MRTFB: variants seen among roughly 807,000 people sequenced by gnomAD.
MRTFB encodes myocardin-related transcription factor B.
In MRTFB, 29 loss-of-function variants were observed where a neutral mutation model predicts 104.2. The observed-to-expected ratio is 0.28, with a 90% CI of 0.21 to 0.38. The LOEUF (loss-of-function observed/expected upper bound fraction) is 0.38, where lower values mean the gene tolerates loss of function less well. Ranked by LOEUF, MRTFB falls within the 10% of genes least tolerant of loss-of-function variation. MRTFB has a pLI of 1.00. For missense variants in MRTFB, 1,270 were observed against 1,341.6 expected, an observed-to-expected ratio of 0.95 and a Z score of 0.83; for synonymous variants, 535 against 519.5, an observed-to-expected ratio of 1.03 and a Z score of -0.41.
intron 3 of MRTFB, chr16:14,187,110 T>A: frequency 1.6e-6 from 2 of 1,213,606 alleles, no homozygotes; most frequent in East Asian, 5.0e-5. Flanking sequence ...GTCTGTCTGT[T>A]ACCATGCTAT....
the MRTFB span, among the ~76,000 whole-genome samples, chr16:14,017,747 C>T: frequency 1.0e-5 from 1 of 100,348 alleles, no homozygotes; most frequent in South Asian, 3.3e-4. Flanking sequence ...GACAGGGTCT[C>T]TCTCTTTCTC....
intron 9 of MRTFB, among the ~76,000 whole-genome samples, chr16:14,238,593 C>T (rs2042627575): frequency 6.6e-6 from 1 of 152,042 alleles, no homozygotes; most frequent in Non-Finnish European, 1.5e-5. Context: ...GATGAGATAC[C>T]TGGAAGCAAT....
chr16:14,122,115 C>G (rs937094091), intron 2 of MRTFB, among the ~76,000 whole-genome samples: 3 of 151,660 alleles, frequency 2.0e-5, no homozygotes, highest in African/African-American at 7.3e-5. Flanking sequence ...CTTCCCCGTT[C>G]TTTCTCTTGT....
intron 2 of MRTFB, among the ~76,000 whole-genome samples, chr16:14,083,071 C>T (rs1341632879): frequency 6.6e-6 from 1 of 151,980 alleles, no homozygotes; most frequent in Admixed American, 6.6e-5. Context: ...TCTTTTACCT[C>T]CTTGGTTCAA....
intron 9 of MRTFB, among the ~76,000 whole-genome samples, chr16:14,235,249 C>T (rs889969909): frequency 1.3e-4 from 20 of 152,214 alleles, no homozygotes; most frequent in African/African-American, 4.8e-4. Flanking sequence ...CCCTTGTCAG[C>T]GTGGCCGAGT....
At chr16:14,044,737 G>C in the MRTFB span, among the ~76,000 whole-genome samples, 2 of 152,176 alleles carry the variant, frequency 1.3e-5, no homozygotes, top group African/African-American at 4.8e-5. Context: ...TGGTTTGAGA[G>C]ACTTTGTCAT....
the MRTFB span, among the ~76,000 whole-genome samples, chr16:14,020,045 G>A: frequency 1.3e-5 from 2 of 152,206 alleles, no homozygotes; most frequent in South Asian, 2.1e-4. Flanking sequence ...AAACCCTTCA[G>A]CTTAAGCTTT....
Position 14,251,882 on chromosome 16 carries a change from A to AGTTTG in MRTFB, c.2424_2425insGTTTG (p.Ser809ValfsTer121), listed in dbSNP as rs750109029. 2.5e-5 allele frequency: 40 copies of AGTTTG among 1,614,078 alleles called. No homozygotes were observed. Among genetic ancestry groups the AGTTTG allele is most frequent in the Non-Finnish European group, 3.3e-5 (39 of 1,180,030 alleles). Reference sequence around the variant, plus strand: ...TACAGGTTTTCACAAACTCAGCATCATCAAATACAGTTCTTCCATATCAGA... The same window carrying AGTTTG: ...TACAGGTTTTCACAAACTCAGCATCAGTTTGTCAAATACAGTTCTTCCATATCAGA... On this transcript the variant is annotated frameshift_variant, in exon 14 of 17. Transcript: ENST00000571589. LOFTEE classifies it high-confidence loss of function.
chr16:14,112,163 GA>G (rs2036303876), intron 2 of MRTFB, among the ~76,000 whole-genome samples: 1 of 152,190 alleles, frequency 6.6e-6, no homozygotes, highest in Admixed American at 6.5e-5. Context: ...GAAGCAGAAA[GA>G]GTAAGAGCCC....
intron 3 of MRTFB, among the ~76,000 whole-genome samples, chr16:14,166,334 CTTT>C (rs956965514): frequency 6.6e-6 from 1 of 151,130 alleles, no homozygotes; most frequent in Admixed American, 6.6e-5. Context: ...TATAATTAAC[CTTT>C]TTTTATACTT....
rs756512575 is a variant in MRTFB, at chr16:14,168,698, C to T, written c.154+27938C>T. Among the ~76,000 whole-genome samples the T allele has an allele frequency of 1.4e-4, 21 of 152,130 alleles. 1 individual carries two copies. The highest frequency in any genetic ancestry group is 4.1e-4 in the South Asian group (2 of 4,824). ...TATTAATAAAGCTGCTATGAATAGT[C>T]TTGTACAGGTATTTATTTCTTTGGG... On this transcript the variant is annotated intron_variant, in intron 3 of 16. Transcript: ENST00000571589.
intron 2 of MRTFB, among the ~76,000 whole-genome samples, chr16:14,085,771 C>T (rs1363091205): frequency 6.6e-6 from 1 of 152,156 alleles, no homozygotes; most frequent in African/African-American, 2.4e-5. Flanking sequence ...GATAAGAAAA[C>T]TAGCATCTGT....
chr16:14,025,916 C>T, the MRTFB span, among the ~76,000 whole-genome samples: 1 of 152,064 alleles, frequency 6.6e-6, no homozygotes, highest in Non-Finnish European at 1.5e-5. Context: ...ATAAACCTAA[C>T]AAAACATTTA....
intron 10 of MRTFB, among the ~76,000 whole-genome samples, chr16:14,242,876 AC>A (rs917983867): frequency 6.6e-6 from 1 of 152,180 alleles, no homozygotes; most frequent in African/African-American, 2.4e-5. Context: ...GAAAAAAAAA[AC>A]ATCCTGAGTA....
chr16:14,042,898 T>A, the MRTFB span, among the ~76,000 whole-genome samples: 1 of 152,194 alleles, frequency 6.6e-6, no homozygotes, highest in African/African-American at 2.4e-5. Context: ...TGGGCCTGGA[T>A]GCTTTCCACT....
At chr16:14,080,047 T>C (rs1269135294) in intron 2 of MRTFB, among the ~76,000 whole-genome samples, 2 of 152,200 alleles carry the variant, frequency 1.3e-5, no homozygotes, top group Non-Finnish European at 2.9e-5. Flanking sequence ...TAATGTTCCA[T>C]CTTTTAGAGG....
At chr16:14,001,360 A>G in the MRTFB span, among the ~76,000 whole-genome samples, 2 of 152,178 alleles carry the variant, frequency 1.3e-5, no homozygotes, top group East Asian at 1.9e-4. Context: ...TAGGGGATAC[A>G]GGGGTTCTGG....
intron 8 of MRTFB, among the ~76,000 whole-genome samples, chr16:14,221,060 A>G (rs2041677781): frequency 6.6e-6 from 1 of 152,240 alleles, no homozygotes; most frequent in South Asian, 2.1e-4. Context: ...TAACTATGCC[A>G]TACAGATGTC....
chr16:14,099,690 CAG>C (rs1453110510), intron 2 of MRTFB, among the ~76,000 whole-genome samples: 2 of 140,310 alleles, frequency 1.4e-5, no homozygotes, highest in East Asian at 2.1e-4. Context: ...TTTTTTGAGA[CAG>C]AGTCTCACTG....
Sources: allele counts gnomAD v4.1 joint callset (sites outside exome capture counted in the v4.1 genomes callset), GRCh38; gene constraint gnomAD v4.1.1; transcripts MANE v1.5; gene names NCBI Gene and HGNC (gene_info 2026-07-23, HGNC 2026-07-21).